The following RGL1 variants were observed in gnomAD, a reference collection of about 807,000 sequenced individuals.
RGL1 encodes ral guanine nucleotide dissociation stimulator like 1.
Under a neutral mutation model 95.2 loss-of-function variants are expected in RGL1, and 24 were observed. That is an observed-to-expected ratio of 0.25 (90% CI 0.18 to 0.35). The LOEUF (loss-of-function observed/expected upper bound fraction) is 0.35, where lower values mean the gene tolerates loss of function less well. RGL1 is among the 10% of genes least tolerant of loss of function. The pLI is 1.00. For missense variants in RGL1, 715 were observed against 936.3 expected, an observed-to-expected ratio of 0.76 and a Z score of 3.08; for synonymous variants, 329 against 344.9, an observed-to-expected ratio of 0.95 and a Z score of 0.51.
chr1:183,817,464 CCTT>C (rs1204272263), intron 2 of RGL1, among the ~76,000 whole-genome samples: 1 of 152,144 alleles, frequency 6.6e-6, no homozygotes, highest in African/African-American at 2.4e-5. Flanking sequence ...TCCTTCCTGT[CCTT>C]CTTCTGACTT....
chr1:183,872,518 G>A (rs1032549613), intron 4 of RGL1, among the ~76,000 whole-genome samples: 4 of 152,060 alleles, frequency 2.6e-5, no homozygotes, highest in East Asian at 1.9e-4. Flanking sequence ...TGTTGAAATC[G>A]TTCTGCTTTC....
chr1:183,840,918 C>A (rs191132010), intron 2 of RGL1, among the ~76,000 whole-genome samples: 1 of 152,058 alleles, frequency 6.6e-6, no homozygotes, highest in Admixed American at 6.5e-5. Context: ...CAAAACAACC[C>A]AGTGCAGACA....
At chr1:183,652,311 T>C (rs3889889) in intron 1 of RGL1, among the ~76,000 whole-genome samples, 9,456 of 152,256 alleles carry the variant, frequency 0.062, 483 homozygotes, top group African/African-American at 0.14. Flanking sequence ...ATCATTACTG[T>C]CTTTAAGGAG....
chr1:183,641,171 G>A (rs960895066), intron 1 of RGL1, among the ~76,000 whole-genome samples: 8 of 152,106 alleles, frequency 5.3e-5, no homozygotes, highest in Admixed American at 1.3e-4. Flanking sequence ...ATCTCACTCT[G>A]TTGCCTAGGC....
At chr1:183,740,220 G>A (rs1355746653) in intron 1 of RGL1, among the ~76,000 whole-genome samples, 1 of 152,092 alleles carries the variant, frequency 6.6e-6, no homozygotes, top group Non-Finnish European at 1.5e-5. Context: ...TTGCGTGTAT[G>A]TGTCAGCATC....
chr1:183,644,812 A>C (rs923285067), intron 1 of RGL1, among the ~76,000 whole-genome samples: 4 of 152,224 alleles, frequency 2.6e-5, no homozygotes, highest in African/African-American at 9.6e-5. Context: ...CTGTCCGATC[A>C]GCAGGATTAG....
intron 2 of RGL1, among the ~76,000 whole-genome samples, chr1:183,826,244 G>A (rs1027944748): frequency 2.0e-5 from 3 of 151,810 alleles, no homozygotes; most frequent in Admixed American, 6.6e-5. Context: ...TAGTAGAGAC[G>A]GACTTTCAGC....
intron 1 of RGL1, among the ~76,000 whole-genome samples, chr1:183,716,496 G>A (rs1655632017): frequency 6.6e-6 from 1 of 152,216 alleles, no homozygotes; most frequent in Non-Finnish European, 1.5e-5. Flanking sequence ...AACCAGCTGG[G>A]AGGAGAAAAG....
intron 1 of RGL1, among the ~76,000 whole-genome samples, chr1:183,703,972 G>C (rs1232321145): frequency 1.3e-5 from 2 of 152,216 alleles, no homozygotes; most frequent in Non-Finnish European, 2.9e-5. Context: ...GGGATTGTTT[G>C]AGAGTGAGGA....
intron 2 of RGL1, among the ~76,000 whole-genome samples, chr1:183,781,958 C>T (rs1054669873): frequency 6.6e-6 from 1 of 152,206 alleles, no homozygotes; most frequent in African/African-American, 2.4e-5. Flanking sequence ...TTCCCAGACT[C>T]ATGTAGCTGG....
At chr1:183,865,884 T>C (rs1665798573) in intron 3 of RGL1, 112 bp from the exon 4 acceptor site, 2 of 725,554 alleles carry the variant, frequency 2.8e-6, no homozygotes. Context: ...GATATATCTT[T>C]CCTTAATTAC....
chr1:183,776,608 G>A (rs1279642348), intron 2 of RGL1, among the ~76,000 whole-genome samples: 1 of 152,204 alleles, frequency 6.6e-6, no homozygotes, highest in Admixed American at 6.5e-5. Context: ...GGCAGGCAGA[G>A]AATGAACAGG....
chr1:183,713,377 C>CCA lies in RGL1; in HGVS notation c.-32-28748_-32-28747insAC, dbSNP rs1553273638. On this transcript the variant is annotated intron_variant, in intron 1 of 18. Transcript: ENST00000304685. Reference sequence around the variant, plus strand: ...TTTTTGAAAAAAAAATCTAGAGGCACCCCCCCCCCCCGCTTTTATAATGAC... The same window carrying CCA: ...TTTTTGAAAAAAAAATCTAGAGGCACCACCCCCCCCCCCGCTTTTATAATGAC... Among the ~76,000 whole-genome samples the CCA allele has an allele frequency of 6.9e-4, 7 of 10,078 alleles. 1 individual carries two copies. The highest frequency in any genetic ancestry group is 3.3e-4 in the Non-Finnish European group (1 of 3,026). The allele number at this position is 10,078 out of a possible 152,430, so 6.6% of individuals were successfully genotyped here.
intron 1 of RGL1, among the ~76,000 whole-genome samples, chr1:183,697,416 C>T (rs1476139020): frequency 6.6e-6 from 1 of 152,158 alleles, no homozygotes; most frequent in African/African-American, 2.4e-5. Flanking sequence ...GCAGTTTCCT[C>T]AAGGGCAGAG....
chr1:183,777,018 T>C (rs528358130), intron 2 of RGL1, among the ~76,000 whole-genome samples: 10 of 152,214 alleles, frequency 6.6e-5, no homozygotes, highest in Non-Finnish European at 1.5e-4. Context: ...AAAATGAGCA[T>C]AGAGGTTTTG....
At chr1:183,760,207 T>G (rs1658584160) in intron 2 of RGL1, among the ~76,000 whole-genome samples, 1 of 152,158 alleles carries the variant, frequency 6.6e-6, no homozygotes, top group Non-Finnish European at 1.5e-5. Context: ...CTAATGATCA[T>G]TTGAGCCTTC....
chr1:183,679,193 G>A (rs373986564), intron 1 of RGL1, among the ~76,000 whole-genome samples: 28 of 152,164 alleles, frequency 1.8e-4, no homozygotes, highest in African/African-American at 6.5e-4. Flanking sequence ...ATTCACATCC[G>A]AAAGCACACC....
At chr1:183,750,529 G>A (rs781606300) in intron 2 of RGL1, among the ~76,000 whole-genome samples, 19 of 152,156 alleles carry the variant, frequency 1.2e-4, no homozygotes, top group Non-Finnish European at 2.5e-4. Flanking sequence ...GGAGGAATTT[G>A]TTATTACCCA....
chr1:183,825,157 C>A (rs1662761611), intron 2 of RGL1, among the ~76,000 whole-genome samples: 1 of 152,080 alleles, frequency 6.6e-6, no homozygotes, highest in South Asian at 2.1e-4. Flanking sequence ...TGAAGAACTT[C>A]TTTGTGGTGC....
Sources: gnomAD v4.1 joint callset for allele counts (sites outside exome capture counted in the v4.1 genomes callset) on GRCh38, gnomAD v4.1.1 for gene constraint, MANE v1.5 for transcripts, NCBI Gene and HGNC (gene_info 2026-07-23, HGNC 2026-07-21) for gene names.